PHF24: variants seen among roughly 807,000 people sequenced by gnomAD.
PHF24 encodes the protein Galpha inhibitory interacting protein.
Under a neutral mutation model 42.6 loss-of-function variants are expected in PHF24, and 25 were observed. The observed-to-expected ratio is 0.59, with a 90% CI of 0.43 to 0.82. The LOEUF is 0.82. Among genes scored for constraint, PHF24 ranks in the 40% least tolerant of loss-of-function variants. PHF24 has a pLI of 0.00. For synonymous variants in PHF24, 185 were observed against 204.8 expected (o/e 0.90, Z 0.83); for missense variants, 470 against 538.1 (o/e 0.87, Z 1.25).
chr9:34,761,396 T>C, the PHF24 span, among the ~76,000 whole-genome samples: 1 of 152,182 alleles, frequency 6.6e-6, no homozygotes, highest in Non-Finnish European at 1.5e-5. Flanking sequence ...CTATTCTTGA[T>C]ACTAGGAGTA....
At chr9:34,685,783 C>G in the PHF24 span, among the ~76,000 whole-genome samples, 1 of 152,200 alleles carries the variant, frequency 6.6e-6, no homozygotes, top group Admixed American at 6.5e-5. Context: ...ATGGCCAGCA[C>G]CCAAAAGTAG....
chr9:34,956,665 TACTAAAAAC>T (rs1397832277), upstream of PHF24, among the ~76,000 whole-genome samples: 5 of 152,222 alleles, frequency 3.3e-5, no homozygotes, highest in East Asian at 9.6e-4. Flanking sequence ...ATAAAACACT[TACTAAAAAC>T]AGTTCAGAGA....
At chr9:34,807,123 T>A in the PHF24 span, among the ~76,000 whole-genome samples, 1 of 152,228 alleles carries the variant, frequency 6.6e-6, no homozygotes, top group Non-Finnish European at 1.5e-5. Context: ...TTATTCCTGA[T>A]CTTAGGGAGA....
the PHF24 span, among the ~76,000 whole-genome samples, chr9:34,830,217 G>A: frequency 6.6e-6 from 1 of 152,136 alleles, no homozygotes; most frequent in Non-Finnish European, 1.5e-5. Flanking sequence ...CTCCCCACAG[G>A]GTCAGGCATT....
At chr9:34,769,057 C>G in the PHF24 span, among the ~76,000 whole-genome samples, 1 of 151,958 alleles carries the variant, frequency 6.6e-6, no homozygotes, top group East Asian at 1.9e-4. Context: ...GAATAAATAC[C>G]CAGAAACAAA....
chr9:34,680,120 A>C, the PHF24 span, among the ~76,000 whole-genome samples: 1 of 152,178 alleles, frequency 6.6e-6, no homozygotes, highest in African/African-American at 2.4e-5. Flanking sequence ...TCATGCCTGT[A>C]ATCTCAGCAC....
the PHF24 span, chr9:34,893,215 G>T: frequency 2.1e-6 from 1 of 468,904 alleles, no homozygotes; most frequent in Non-Finnish European, 3.7e-6. Context: ...GGAAAAGTGT[G>T]GGCCGGGGTT....
the PHF24 span, among the ~76,000 whole-genome samples, chr9:34,934,576 GAAA>G: frequency 6.8e-6 from 1 of 146,558 alleles, no homozygotes; most frequent in African/African-American, 2.5e-5. Context: ...ACATTAATTG[GAAA>G]AAAAACAGGA....
At chr9:34,680,611 C>T in the PHF24 span, among the ~76,000 whole-genome samples, 1 of 147,480 alleles carries the variant, frequency 6.8e-6, no homozygotes, top group African/African-American at 2.5e-5. Flanking sequence ...TGGCGTGAAC[C>T]CGGGAGGCGG....
the PHF24 span, among the ~76,000 whole-genome samples, chr9:34,840,321 T>C: frequency 6.6e-6 from 1 of 152,082 alleles, no homozygotes; most frequent in East Asian, 1.9e-4. Context: ...TCCAGACTAG[T>C]CTAGCATAAA....
chr9:34,702,489 A>G, the PHF24 span, among the ~76,000 whole-genome samples: 1 of 152,274 alleles, frequency 6.6e-6, no homozygotes, highest in Non-Finnish European at 1.5e-5. Context: ...GTCTCAAAGA[A>G]TATGGTAACA....
the PHF24 span, among the ~76,000 whole-genome samples, chr9:34,940,207 C>G: frequency 2.0e-5 from 3 of 152,030 alleles, no homozygotes; most frequent in African/African-American, 7.2e-5. Flanking sequence ...GAGCTAAAAG[C>G]AGACTTTGAG....
chr9:34,810,093 G>A, the PHF24 span, among the ~76,000 whole-genome samples: 1 of 151,872 alleles, frequency 6.6e-6, no homozygotes, highest in Non-Finnish European at 1.5e-5. Context: ...CCAGCAAGCC[G>A]GCCCTCGAGC....
chr9:34,916,559 A>G, the PHF24 span, among the ~76,000 whole-genome samples: 2 of 152,352 alleles, frequency 1.3e-5, no homozygotes, highest in East Asian at 3.9e-4. Context: ...GCAAAAACTT[A>G]ACATTAAAGT....
At chr9:34,890,471 G>A in the PHF24 span, among the ~76,000 whole-genome samples, 11 of 152,202 alleles carry the variant, frequency 7.2e-5, no homozygotes, top group African/African-American at 2.4e-4. Flanking sequence ...TCCACTGGGT[G>A]TGAGATCCCA....
chr9:34,944,471 C>T, the PHF24 span, among the ~76,000 whole-genome samples: 6 of 152,188 alleles, frequency 3.9e-5, no homozygotes, highest in East Asian at 1.9e-4. Flanking sequence ...AGGGGTAGAG[C>T]CCCTGAGAGG....
At chr9:34,981,805 C>T (rs993334216) in exon 8 of PHF24, 14 of 149,910 alleles carry the variant, frequency 9.3e-5, no homozygotes, top group Admixed American at 9.3e-4. Flanking sequence ...TCTCCTACCA[C>T]TTAGTTTGAA....
chr9:34,814,334 T>C, the PHF24 span, among the ~76,000 whole-genome samples: 2 of 152,336 alleles, frequency 1.3e-5, no homozygotes, highest in Admixed American at 6.5e-5. Context: ...TCCTGGGCCA[T>C]ACTAGGGATG....
the PHF24 span, among the ~76,000 whole-genome samples, chr9:34,881,217 G>C: frequency 1.3e-5 from 2 of 152,266 alleles, no homozygotes; most frequent in African/African-American, 4.8e-5. Flanking sequence ...GCAATGTTTA[G>C]AAGGAAATTT....
Sources: gnomAD v4.1 joint callset for allele counts (sites outside exome capture counted in the v4.1 genomes callset) on GRCh38, gnomAD v4.1.1 for gene constraint, MANE v1.5 for transcripts, NCBI Gene and HGNC (gene_info 2026-07-23, HGNC 2026-07-21) for gene names.